The following PTPRT variants were observed in gnomAD, a reference collection of about 807,000 sequenced individuals.
PTPRT encodes receptor-type tyrosine-protein phosphatase T.
A neutral mutation model predicts 176.8 loss-of-function variants in PTPRT; 56 were observed. That is an observed-to-expected ratio of 0.32 (90% CI 0.26 to 0.40). The LOEUF (loss-of-function observed/expected upper bound fraction) is 0.40, where lower values mean the gene tolerates loss of function less well. PTPRT is among the 10% of genes least tolerant of loss of function. The pLI is 1.00. For missense variants in PTPRT, 1,540 were observed against 1,908.2 expected, an observed-to-expected ratio of 0.81 and a Z score of 3.60; for synonymous variants, 783 against 739.0, an observed-to-expected ratio of 1.06 and a Z score of -0.96.
At chr20:42,918,951 C>T (rs747605019) in intron 1 of PTPRT, among the ~76,000 whole-genome samples, 8 of 152,120 alleles carry the variant, frequency 5.3e-5, no homozygotes, top group Admixed American at 3.3e-4. Context: ...CAGCTCATGC[C>T]GCACCACCTA....
chr20:43,111,179 G>A (rs550596144), intron 1 of PTPRT, among the ~76,000 whole-genome samples: 2 of 152,208 alleles, frequency 1.3e-5, no homozygotes, highest in Admixed American at 6.5e-5. Flanking sequence ...CTGGGTACAA[G>A]GGGGTCCCCA....
rs953062113 is a variant in PTPRT, at chr20:42,793,685, G to A, written c.215-2219C>T. Among the ~76,000 whole-genome samples, 6 of 152,230 alleles carry A rather than the reference G, an allele frequency of 3.9e-5. No homozygotes were observed. The East Asian group carries it at 7.7e-4, about 20-fold the overall frequency. On this transcript the variant is annotated intron_variant, in intron 2 of 30. Coordinates refer to ENST00000373187, the MANE Select transcript of PTPRT (RefSeq NM_007050.6). ...GAAGTTATTGAATTATCATAAACTC[G>A]CAAGGGGGCAGCTAAAAAGGAGCAA... is the stretch of plus-strand genomic sequence containing the variant.
At position 42,954,609 on chromosome 20, in the gene PTPRT, C is replaced by CT. The variant is rs138606631; in HGVS notation, c.89-68678dup. On this transcript the variant is annotated intron_variant, in intron 1 of 30. Transcript: ENST00000373187. ...GATGCTCAGTCAACGTGCGTGTTTG[C>CT]TTTTTTTTTACCATTTGCAGTCACC... Among the ~76,000 whole-genome samples the CT allele has an allele frequency of 2.4e-3, 369 of 151,288 alleles. 1 individual carries two copies. Among genetic ancestry groups the CT allele is most frequent in the South Asian group, 5.7e-3 (27 of 4,764 alleles).
At chr20:42,492,145 G>A (rs2071571067) in intron 7 of PTPRT, among the ~76,000 whole-genome samples, 1 of 152,108 alleles carries the variant, frequency 6.6e-6, no homozygotes, top group South Asian at 2.1e-4. Flanking sequence ...ATCTGCTATG[G>A]ACATTCATGT....
In PTPRT at chr20:42,115,211, G is replaced by A. The variant is rs1399962336; in HGVS notation, c.3087C>T (p.Phe1029=). The A allele has an allele frequency of 1.2e-6, 2 of 1,613,498 alleles. No homozygotes were observed. The highest frequency in any genetic ancestry group is 1.3e-5 in the African/African-American group (1 of 74,922). Reference sequence around the variant, plus strand: ...CCAAGAAGCTTACCTTCTGGACTGTGAAGGTGCGTATGACGTATTCTGCCA... The same window carrying A: ...CCAAGAAGCTTACCTTCTGGACTGTAAAGGTGCGTATGACGTATTCTGCCA... The part of the protein sequence containing the change: ...EPLAEYVIRT[F]TVQKKGYHEI... Residue 1029 remains phenylalanine, a synonymous_variant, in exon 22 of 31, where the codon TTC becomes TTT. Coordinates refer to ENST00000373187, the MANE Select transcript of PTPRT (RefSeq NM_007050.6).
At chr20:43,161,466 AAATT>A (rs1251544793) in intron 1 of PTPRT, among the ~76,000 whole-genome samples, 1 of 152,182 alleles carries the variant, frequency 6.6e-6, no homozygotes, top group Non-Finnish European at 1.5e-5. Context: ...AAACTGAAGA[AAATT>A]AAGAGCAAAG....
intron 23 of PTPRT, among the ~76,000 whole-genome samples, chr20:42,109,981 A>AAAGAT (rs1004253455): frequency 3.3e-5 from 5 of 152,068 alleles, no homozygotes; most frequent in African/African-American, 1.2e-4. Context: ...AGCCACTAGA[A>AAAGAT]AAGATAACAT....
intron 1 of PTPRT, among the ~76,000 whole-genome samples, chr20:43,113,207 A>C (rs546997272): frequency 6.6e-6 from 1 of 152,332 alleles, no homozygotes; most frequent in East Asian, 1.9e-4. Context: ...AAATAATCCC[A>C]ATCTAACAAC....
intron 11 of PTPRT, among the ~76,000 whole-genome samples, chr20:42,334,415 T>G (rs557178064): frequency 6.6e-6 from 1 of 152,248 alleles, no homozygotes; most frequent in East Asian, 1.9e-4. Context: ...AAAAGAAAAT[T>G]CACAAAAAAG....
At chr20:42,499,579 C>A (rs2071715852) in intron 7 of PTPRT, among the ~76,000 whole-genome samples, 2 of 152,128 alleles carry the variant, frequency 1.3e-5, no homozygotes, top group Admixed American at 1.3e-4. Flanking sequence ...CGTGAGCCAC[C>A]ATGCCTGGCC....
chr20:42,915,590 T>C (rs1008895232), intron 1 of PTPRT, among the ~76,000 whole-genome samples: 2 of 152,198 alleles, frequency 1.3e-5, no homozygotes, highest in African/African-American at 2.4e-5. Flanking sequence ...GGCTACTCAG[T>C]TGATTGGTTA....
At chr20:42,464,204 A>T (rs927558270) in intron 8 of PTPRT, among the ~76,000 whole-genome samples, 1 of 152,214 alleles carries the variant, frequency 6.6e-6, no homozygotes, top group East Asian at 1.9e-4. Flanking sequence ...TGGTATCACG[A>T]AAAGGGCATG....
In PTPRT at chr20:43,189,479, G is replaced by A. The variant is rs2015482427; in HGVS notation, c.88+167C>T. ...GCCGGGCTCGCTGGCCGGGGCGCGC[G>A]GGGACACTGCTTCCCGCGCCTGCAA... On this transcript the variant is annotated intron_variant, in intron 1 of 30. Coordinates refer to ENST00000373187, the MANE Select transcript of PTPRT (RefSeq NM_007050.6). The surrounding 1 kb of genome is among the most constrained non-coding windows in gnomAD (Gnocchi z 5.0). 6.6e-6 allele frequency among the ~76,000 whole-genome samples: 1 copy of A among 151,834 alleles called. No homozygotes were observed. The highest frequency in any genetic ancestry group is 6.5e-5 in the Admixed American group (1 of 15,274).
At chr20:42,501,889 T>A (rs1428188455) in intron 7 of PTPRT, among the ~76,000 whole-genome samples, 1 of 152,138 alleles carries the variant, frequency 6.6e-6, no homozygotes, top group African/African-American at 2.4e-5. Context: ...GGTGTGGTTT[T>A]GATATCAAAA....
chr20:42,496,563 C>G (rs1452591870), intron 7 of PTPRT, among the ~76,000 whole-genome samples: 1 of 151,886 alleles, frequency 6.6e-6, no homozygotes, highest in Middle Eastern at 3.2e-3. Flanking sequence ...GCTGTTAATT[C>G]TTATGATCTT....
At chr20:42,462,890 G>A (rs1248247148) in intron 8 of PTPRT, among the ~76,000 whole-genome samples, 1 of 152,176 alleles carries the variant, frequency 6.6e-6, no homozygotes, top group African/African-American at 2.4e-5. Flanking sequence ...GCACTGAAGT[G>A]TACAGAATGC....
intron 9 of PTPRT, among the ~76,000 whole-genome samples, chr20:42,420,274 C>A (rs1359412308): frequency 2.0e-5 from 3 of 152,152 alleles, no homozygotes; most frequent in Non-Finnish European, 2.9e-5. Flanking sequence ...CTGAATACGA[C>A]TGTCCAATGC....
At chr20:42,215,834 TC>T (rs1388006231) in intron 15 of PTPRT, among the ~76,000 whole-genome samples, 1 of 126,288 alleles carries the variant, frequency 7.9e-6, no homozygotes, top group South Asian at 2.9e-4. Flanking sequence ...CAACCCAAAC[TC>T]ATCACCTCTG....
At chr20:42,309,083 G>A (rs368224835) in intron 12 of PTPRT, among the ~76,000 whole-genome samples, 1 of 152,226 alleles carries the variant, frequency 6.6e-6, no homozygotes. Context: ...CATCATCCAG[G>A]TTAAATGTAC....
Sources: gnomAD v4.1 joint callset for allele counts (sites outside exome capture counted in the v4.1 genomes callset) on GRCh38, gnomAD v4.1.1 for gene constraint, Gnocchi (gnomAD v3.1) non-coding constraint, MANE v1.5 for transcripts, NCBI Gene and HGNC (gene_info 2026-07-23, HGNC 2026-07-21) for gene names.